Variants in NIBAN1 observed in about 807,000 individuals in gnomAD.
The protein encoded by NIBAN1 is niban apoptosis regulator 1.
A neutral mutation model predicts 75.1 loss-of-function variants in NIBAN1; 81 were observed. That is an observed-to-expected ratio of 1.08 (90% confidence interval 0.90 to 1.30). The LOEUF (loss-of-function observed/expected upper bound fraction) is 1.30, where lower values mean the gene tolerates loss of function less well. Among genes scored for constraint, NIBAN1 ranks in the 50% most tolerant of loss-of-function variants. The pLI is 0.00. For synonymous variants in NIBAN1, 436 were observed against 424.8 expected (o/e 1.03, Z -0.32); for missense variants, 1,133 against 1,128.1 (o/e 1.00, Z -0.06).
In NIBAN1 at chr1:184,884,778, A is replaced by G. The variant is rs775948191; in HGVS notation, c.456T>C (p.Thr152=). 6.2e-7 allele frequency: 1 copy of G among 1,614,092 alleles called. No homozygotes were observed. The highest frequency in any genetic ancestry group is 1.1e-5 in the South Asian group (1 of 91,072). ...DPLASSEKEN[T]QPFVVLPKEF... The stretch of plus-strand genomic sequence containing the variant: ...CCTTGGGCAGGACCACAAAGGGCTG[A>G]GTGTTCTCCTTCTCACTGGAGGCTA... The change falls in exon 5 of 14, where the codon ACT becomes ACC. Residue 152 remains threonine, a synonymous_variant. Coordinates refer to ENST00000367511, the MANE Select transcript of NIBAN1 (RefSeq NM_052966.4).
At chr1:184,903,733 CTTTTTTTTTTT>C (rs368105582) in intron 1 of NIBAN1, among the ~76,000 whole-genome samples, 1 of 99,922 alleles carries the variant, frequency 1.0e-5, no homozygotes, top group African/African-American at 3.8e-5. Context: ...CCGATTAAAC[CTTTTTTTTTTT>C]TTTTTTTTTT....
At chr1:184,882,794 A>G (rs1357061575) in intron 5 of NIBAN1, among the ~76,000 whole-genome samples, 2 of 152,204 alleles carry the variant, frequency 1.3e-5, no homozygotes, top group Non-Finnish European at 2.9e-5. Context: ...TGCCAACTGC[A>G]TGTTCCTACT....
intron 3 of NIBAN1, among the ~76,000 whole-genome samples, chr1:184,891,707 A>C (rs796509430): frequency 2.5e-4 from 38 of 152,334 alleles, no homozygotes; most frequent in African/African-American, 9.1e-4. Flanking sequence ...CTGATTATCA[A>C]GTGAGAATGT....
intron 2 of NIBAN1, among the ~76,000 whole-genome samples, chr1:184,895,542 G>A (rs1656776845): frequency 6.6e-6 from 1 of 152,060 alleles, no homozygotes; most frequent in African/African-American, 2.4e-5. Flanking sequence ...ATTCTCTCTT[G>A]AAACCCCTTC....
intron 5 of NIBAN1, among the ~76,000 whole-genome samples, chr1:184,864,822 C>A (rs116085701): frequency 0.012 from 1,836 of 150,452 alleles, 35 homozygotes; most frequent in African/African-American, 0.043. Flanking sequence ...AAACGGCCAA[C>A]AAACATATTT....
chr1:184,820,972 T>A (rs561024419), intron 8 of NIBAN1, among the ~76,000 whole-genome samples: 42 of 152,346 alleles, frequency 2.8e-4, no homozygotes, highest in African/African-American at 9.6e-4. Context: ...ACACTAGACC[T>A]GTGCTCTCAT....
intron 5 of NIBAN1, among the ~76,000 whole-genome samples, chr1:184,834,173 G>A (rs549398391): frequency 6.6e-6 from 1 of 152,200 alleles, no homozygotes; most frequent in African/African-American, 2.4e-5. Flanking sequence ...CCATGTCCCT[G>A]CAAAGGACAT....
intron 5 of NIBAN1, among the ~76,000 whole-genome samples, chr1:184,844,891 A>G (rs1655393302): frequency 6.6e-6 from 1 of 152,240 alleles, no homozygotes; most frequent in African/African-American, 2.4e-5. Flanking sequence ...GGCTAATTTC[A>G]TGGCCCTCTC....
intron 6 of NIBAN1, among the ~76,000 whole-genome samples, chr1:184,824,452 G>A (rs1654790605): frequency 1.3e-5 from 2 of 152,046 alleles, no homozygotes; most frequent in African/African-American, 4.8e-5. Context: ...TTGTCTGCTT[G>A]ACCTGCTTCT....
At chr1:184,829,801 T>C (rs1021117346) in intron 6 of NIBAN1, among the ~76,000 whole-genome samples, 1 of 152,180 alleles carries the variant, frequency 6.6e-6, no homozygotes, top group Admixed American at 6.5e-5. Flanking sequence ...TGGAGGAATG[T>C]AAGTTCACAT....
chr1:184,808,220 T>C lies in NIBAN1; in HGVS notation c.1189A>G (p.Met397Val), dbSNP rs1189983673. 6 of 1,613,992 alleles carry C rather than the reference T, an allele frequency of 3.7e-6. No homozygotes were observed. The African/African-American group carries it at 6.7e-5, about 18-fold the overall frequency. Residue 397 changes from methionine (M) to valine (V), a missense_variant, in exon 10 of 14, where the codon ATG becomes GTG. Coordinates refer to ENST00000367511, the MANE Select transcript of NIBAN1 (RefSeq NM_052966.4). The stretch of plus-strand genomic sequence containing the variant: ...TTCACGGAATGCAGCGGAAGATTCA[T>C]AAGCCGGTCTAGATGCTGCATTTTG... ...VQLKEHLDRLMNLPLHSVKME... is the reference protein window; with the variant it reads ...VQLKEHLDRLVNLPLHSVKME...
At chr1:184,882,642 G>A (rs563055267) in intron 5 of NIBAN1, among the ~76,000 whole-genome samples, 5 of 152,158 alleles carry the variant, frequency 3.3e-5, no homozygotes, top group South Asian at 4.1e-4. Flanking sequence ...CATAAATGGA[G>A]TCTAAATGCA....
At chr1:184,938,095 A>G (rs1379383895) in intron 1 of NIBAN1, among the ~76,000 whole-genome samples, 2 of 152,244 alleles carry the variant, frequency 1.3e-5, no homozygotes, top group Non-Finnish European at 2.9e-5. Context: ...ATGGAGATTA[A>G]CAGGGAGCTG....
At chr1:184,840,529 C>T (rs1655256169) in intron 5 of NIBAN1, among the ~76,000 whole-genome samples, 1 of 151,988 alleles carries the variant, frequency 6.6e-6, no homozygotes, top group Admixed American at 6.5e-5. Context: ...AGACATTGTT[C>T]TGAGATAAAT....
intron 5 of NIBAN1, among the ~76,000 whole-genome samples, chr1:184,839,554 TGTGTGTGTGTGCACGCGCGC>T (rs1443742167): frequency 6.6e-6 from 1 of 151,012 alleles, no homozygotes. Context: ...CCTGTGTGTG[TGTGTGTGTGTGCACGCGCGC>T]GTGTGTGTGT....
chr1:184,968,448 C>T (rs187653902), intron 1 of NIBAN1, among the ~76,000 whole-genome samples: 1 of 152,182 alleles, frequency 6.6e-6, no homozygotes, highest in Admixed American at 6.5e-5. Flanking sequence ...TTTTTTTTCA[C>T]TTAAAATATA....
chr1:184,818,385 A>G (rs1368509999), intron 9 of NIBAN1, among the ~76,000 whole-genome samples: 1 of 152,148 alleles, frequency 6.6e-6, no homozygotes, highest in Non-Finnish European at 1.5e-5. Flanking sequence ...ATGTTGCTTC[A>G]CTTGTACACA....
In NIBAN1 at chr1:184,890,185, A is replaced by G. The variant is rs1427398417; in HGVS notation, c.356T>C (p.Leu119Pro). ...QRGAAPKCRI[L>P]PAGGKVLTSE... ...GGTTAACACCTTGCCACCGGCTGGA[A>G]GAATTCGACATTTAGGAGCAGCTCC... The change falls in exon 4 of 14, where the codon CTT (leucine) becomes CCT (proline). Residue 119 changes from leucine (L) to proline (P), a missense_variant. Physicochemically the swap from Leu to Pro is moderately conservative, Grantham distance 98. Coordinates refer to ENST00000367511, the MANE Select transcript of NIBAN1 (RefSeq NM_052966.4). 1 of 1,613,950 alleles carries G rather than the reference A, an allele frequency of 6.2e-7. No individual in the cohort carries two copies. The highest frequency in any genetic ancestry group is 8.5e-7 in the Non-Finnish European group (1 of 1,179,868).
chr1:184,799,026 A>G (rs1653955596), intron 12 of NIBAN1, among the ~76,000 whole-genome samples: 1 of 151,822 alleles, frequency 6.6e-6, no homozygotes, highest in South Asian at 2.1e-4. Flanking sequence ...CATAAATATA[A>G]TTTTTGTTTT....
Sources: gnomAD v4.1 joint callset for allele counts (sites outside exome capture counted in the v4.1 genomes callset) on GRCh38, gnomAD v4.1.1 for gene constraint, MANE v1.5 for transcripts, NCBI Gene and HGNC (gene_info 2026-07-23, HGNC 2026-07-21) for gene names.